The following RALGAPA2 variants were observed in gnomAD, a reference collection of about 807,000 sequenced individuals.
The protein encoded by RALGAPA2 is Ral GTPase activating protein catalytic subunit alpha 2.
In RALGAPA2, 139 loss-of-function variants were observed where a neutral mutation model predicts 230.4. The observed-to-expected ratio is 0.60, with a 90% CI of 0.53 to 0.69. The LOEUF (loss-of-function observed/expected upper bound fraction) is 0.69. Among genes scored for constraint, RALGAPA2 ranks in the 30% least tolerant of loss-of-function variants. The probability of loss-of-function intolerance (pLI) is 0.00; values close to 1 mark genes in which losing one functional copy is unlikely to be tolerated. For synonymous variants in RALGAPA2, 847 were observed against 837.8 expected, an observed-to-expected ratio of 1.01 and a Z score of -0.19; for missense variants, 2,163 against 2,276.0, an observed-to-expected ratio of 0.95 and a Z score of 1.01.
chr20:20,424,969 T>C (rs973666065), intron 37 of RALGAPA2, among the ~76,000 whole-genome samples: 8 of 152,202 alleles, frequency 5.3e-5, no homozygotes, highest in Non-Finnish European at 1.2e-4. Context: ...TAAAATACGT[T>C]ACAGGTACTA....
chr20:20,519,735 T>A (rs1207991302), intron 31 of RALGAPA2, among the ~76,000 whole-genome samples: 1 of 152,244 alleles, frequency 6.6e-6, no homozygotes, highest in African/African-American at 2.4e-5. Context: ...CTGACTTTGC[T>A]TTCCTGGTGA....
chr20:20,511,402 A>G (rs769703267), intron 32 of RALGAPA2, 77 bp from the exon 33 acceptor site: 31 of 1,491,484 alleles, frequency 2.1e-5, no homozygotes, highest in African/African-American at 4.3e-5. Context: ...GTAATTTAAT[A>G]AAAATACCTA....
intron 37 of RALGAPA2, among the ~76,000 whole-genome samples, chr20:20,465,504 T>C (rs2061401872): frequency 6.6e-6 from 1 of 152,090 alleles, no homozygotes; most frequent in Non-Finnish European, 1.5e-5. Context: ...CCACTGGGGA[T>C]GGAGCTGAGA....
chr20:20,559,235 G>C (rs1173914279), intron 23 of RALGAPA2, among the ~76,000 whole-genome samples: 1 of 152,184 alleles, frequency 6.6e-6, no homozygotes, highest in Admixed American at 6.5e-5. Flanking sequence ...GGGCAACCCT[G>C]TGGTCATTCA....
intron 23 of RALGAPA2, among the ~76,000 whole-genome samples, chr20:20,570,350 T>C (rs886880185): frequency 2.6e-5 from 4 of 152,190 alleles, no homozygotes; most frequent in African/African-American, 7.2e-5. Flanking sequence ...AAAGTTTGCT[T>C]ATCAGGAGAA....
At chr20:20,450,226 A>G (rs771029582) in intron 37 of RALGAPA2, among the ~76,000 whole-genome samples, 2 of 152,214 alleles carry the variant, frequency 1.3e-5, no homozygotes, top group African/African-American at 2.4e-5. Context: ...CATCAATTAG[A>G]TGCTTATTTT....
chr20:20,661,007 C>G (rs901005701), intron 3 of RALGAPA2, among the ~76,000 whole-genome samples: 14 of 151,922 alleles, frequency 9.2e-5, no homozygotes, highest in African/African-American at 2.9e-4. Context: ...GAAAAGAATA[C>G]TCTAATAGGT....
intron 37 of RALGAPA2, among the ~76,000 whole-genome samples, chr20:20,466,111 G>A (rs2061416540): frequency 6.6e-6 from 1 of 152,214 alleles, no homozygotes; most frequent in Non-Finnish European, 1.5e-5. Flanking sequence ...CCTCAGCACT[G>A]GGGAGACACC....
intron 3 of RALGAPA2, among the ~76,000 whole-genome samples, chr20:20,661,498 T>A (rs972245313): frequency 6.6e-6 from 1 of 152,176 alleles, no homozygotes; most frequent in African/African-American, 2.4e-5. Flanking sequence ...AGAAAAACAA[T>A]GCAAATGATA....
chr20:20,593,043 G>A (rs2065341269), intron 16 of RALGAPA2, among the ~76,000 whole-genome samples: 1 of 151,980 alleles, frequency 6.6e-6, no homozygotes, highest in Non-Finnish European at 1.5e-5. Flanking sequence ...TCACCCTCCT[G>A]AGTACCTGGG....
Position 20,524,858 on chromosome 20 carries a change from T to C in RALGAPA2, c.3734A>G (p.Glu1245Gly), listed in dbSNP as rs763914819. The C allele has an allele frequency of 6.2e-7, 1 of 1,611,158 alleles. No homozygotes were observed. Among genetic ancestry groups the C allele is most frequent in the Admixed American group, 1.7e-5 (1 of 59,724 alleles). ...ATVAFLLPSAEYSSVETDKKF... is the reference protein window; with the variant it reads ...ATVAFLLPSAGYSSVETDKKF... ...CTTGTCTGTTTCCACTGAGGAGTAC[T>C]CTGCACTTGGTAAAAGAAAAGCAAC... is the stretch of plus-strand genomic sequence containing the variant. The change falls in exon 29 of 40, where the codon GAG becomes GGG. Residue 1245 changes from glutamate (E) to glycine (G), a missense_variant. Transcript: ENST00000202677.
intron 1 of RALGAPA2, among the ~76,000 whole-genome samples, chr20:20,693,651 A>T (rs1167258006): frequency 6.6e-6 from 1 of 152,206 alleles, no homozygotes; most frequent in Non-Finnish European, 1.5e-5. Flanking sequence ...ATTAACAGTA[A>T]TAACAGCTCA....
chr20:20,518,053 CATAA>C (rs1415374691), intron 31 of RALGAPA2, among the ~76,000 whole-genome samples: 1 of 151,704 alleles, frequency 6.6e-6, no homozygotes, highest in Non-Finnish European at 1.5e-5. Context: ...TGAAAACCAA[CATAA>C]ATAATTTTTT....
At chr20:20,585,814 A>T (rs745952211) in intron 18 of RALGAPA2, among the ~76,000 whole-genome samples, 9 of 152,226 alleles carry the variant, frequency 5.9e-5, no homozygotes, top group Non-Finnish European at 1.3e-4. Flanking sequence ...AAAAAGACAC[A>T]GCTGCCAGTG....
chr20:20,531,979 A>ATAGAAATAT (rs2063380087), intron 26 of RALGAPA2, among the ~76,000 whole-genome samples, 184 bp from the exon 27 acceptor site: 1 of 152,246 alleles, frequency 6.6e-6, no homozygotes, highest in African/African-American at 2.4e-5. Context: ...TTCAGGACAA[A>ATAGAAATAT]TAGAAATATT....
intron 36 of RALGAPA2, among the ~76,000 whole-genome samples, chr20:20,482,738 C>A (rs1427003190): frequency 1.3e-5 from 2 of 151,984 alleles, no homozygotes; most frequent in Non-Finnish European, 2.9e-5. Flanking sequence ...AGAGGTAGGG[C>A]CACAAAAGGA....
At chr20:20,620,710 G>T in intron 10 of RALGAPA2, 80 bp from the exon 11 acceptor site, 1 of 1,206,082 alleles carries the variant, frequency 8.3e-7, no homozygotes. Context: ...CATTCCCAAT[G>T]AGCATCACCC....
chr20:20,582,161 A>AGTGTGTGT (rs35240382), intron 20 of RALGAPA2, among the ~76,000 whole-genome samples: 2,872 of 146,126 alleles, frequency 0.02, 73 homozygotes, highest in African/African-American at 0.059. Flanking sequence ...AGTGTCACAC[A>AGTGTGTGT]GTGTGTGTGT....
At chr20:20,565,836 A>G (rs1401046801) in intron 23 of RALGAPA2, among the ~76,000 whole-genome samples, 1 of 152,256 alleles carries the variant, frequency 6.6e-6, no homozygotes, top group Non-Finnish European at 1.5e-5. Context: ...GCCAGTGACC[A>G]GCACAGCACT....
Sources: allele counts gnomAD v4.1 joint callset (sites outside exome capture counted in the v4.1 genomes callset), GRCh38; gene constraint gnomAD v4.1.1; transcripts MANE v1.5; gene names NCBI Gene and HGNC (gene_info 2026-07-23, HGNC 2026-07-21).